Variants in SPATA13 observed in about 807,000 individuals in gnomAD.
SPATA13 encodes spermatogenesis-associated protein 13.
SPATA13 carries 50 observed loss-of-function variants against 104.0 expected under a neutral mutation model. The observed-to-expected ratio is 0.48, with a 90% CI of 0.38 to 0.61. The LOEUF (loss-of-function observed/expected upper bound fraction) is 0.61, where lower values mean the gene tolerates loss of function less well. SPATA13 is among the 20% of genes least tolerant of loss of function. The pLI, the probability that SPATA13 is intolerant of heterozygous loss-of-function variation, is 0.00. For missense variants in SPATA13, 1,524 were observed against 1,690.6 expected (o/e 0.90, Z 1.73); for synonymous variants, 606 against 667.5 (o/e 0.91, Z 1.42).
intron 4 of SPATA13, among the ~76,000 whole-genome samples, chr13:24,260,941 C>CT (rs962194253): frequency 6.6e-6 from 1 of 152,120 alleles, no homozygotes; most frequent in African/African-American, 2.4e-5. Flanking sequence ...GCATGGGGCA[C>CT]TTTTTTTTGG....
intron 3 of SPATA13, among the ~76,000 whole-genome samples, chr13:24,133,572 T>C (rs554820691): frequency 1.2e-4 from 18 of 152,030 alleles, no homozygotes; most frequent in African/African-American, 3.9e-4. Flanking sequence ...TAAAACACAA[T>C]AGCTAGAGAC....
At chr13:24,145,498 G>A (rs942346253) in intron 3 of SPATA13, among the ~76,000 whole-genome samples, 2 of 152,172 alleles carry the variant, frequency 1.3e-5, no homozygotes, top group Non-Finnish European at 2.9e-5. Flanking sequence ...GACATAAACC[G>A]AGTGAGCTGG....
In SPATA13 at chr13:24,072,064, A is replaced by T. The variant is rs78045275; in HGVS notation, c.-112+54363A>T. On this transcript the variant is annotated intron_variant, in intron 3 of 14. Transcript: ENST00000424834. ...AAGATAAAAGAAGTGCACATGTCCA[A>T]TCAAGAATATTAAGGAAGAGTGAAT... 2.8e-3 allele frequency among the ~76,000 whole-genome samples: 434 copies of T among 152,306 alleles called. 14 individuals are homozygous for T. In the East Asian group the frequency reaches 0.062, roughly 22 times the overall value.
At chr13:24,210,866 T>C (rs1043016220) in intron 1 of SPATA13, among the ~76,000 whole-genome samples, 1 of 151,944 alleles carries the variant, frequency 6.6e-6, no homozygotes, top group African/African-American at 2.4e-5. Context: ...ATTCTCCTAA[T>C]TCATGTTTAT....
chr13:24,028,834 C>T (rs887010650), intron 3 of SPATA13, among the ~76,000 whole-genome samples: 3 of 152,022 alleles, frequency 2.0e-5, no homozygotes, highest in Non-Finnish European at 2.9e-5. Context: ...TTATATTTCT[C>T]TATTTTAAAG....
chr13:24,174,467 A>C (rs1883135358), intron 1 of SPATA13, among the ~76,000 whole-genome samples: 1 of 151,926 alleles, frequency 6.6e-6, no homozygotes, highest in South Asian at 2.1e-4. Flanking sequence ...ATTTCGTGCT[A>C]TCAGTTTCCC....
chr13:24,151,716 G>T (rs1390929369), intron 3 of SPATA13, among the ~76,000 whole-genome samples: 8 of 152,098 alleles, frequency 5.3e-5, no homozygotes, highest in Admixed American at 5.2e-4. Flanking sequence ...TTCCTTATCT[G>T]TAAAATGGTA....
At chr13:24,065,699 G>A (rs904537704) in intron 3 of SPATA13, among the ~76,000 whole-genome samples, 2 of 152,138 alleles carry the variant, frequency 1.3e-5, no homozygotes, top group African/African-American at 4.8e-5. Context: ...GAATCACATG[G>A]TATTGTATTT....
intron 2 of SPATA13, among the ~76,000 whole-genome samples, chr13:23,995,717 G>T (rs956797938): frequency 1.3e-4 from 20 of 152,280 alleles, no homozygotes; most frequent in African/African-American, 4.6e-4. Context: ...AAATAGAGGG[G>T]GTTGTGTTAA....
intron 1 of SPATA13, among the ~76,000 whole-genome samples, chr13:24,181,842 T>C (rs1236195): frequency 0.91 from 137,820 of 151,208 alleles, 63,733 homozygotes; most frequent in Non-Finnish European, 0.99. Context: ...AGGCCGGGTG[T>C]GGTGGCTTAC....
intron 1 of SPATA13, among the ~76,000 whole-genome samples, chr13:24,184,014 C>T (rs1255980502): frequency 1.3e-5 from 2 of 152,084 alleles, no homozygotes; most frequent in African/African-American, 2.4e-5. Flanking sequence ...CAGGAAGTGG[C>T]GCGCTCAAGG....
At chr13:24,027,060 T>G (rs989659882) in intron 3 of SPATA13, among the ~76,000 whole-genome samples, 1 of 151,980 alleles carries the variant, frequency 6.6e-6, no homozygotes, top group Non-Finnish European at 1.5e-5. Flanking sequence ...AAGTTGATTA[T>G]AGTATAGTTC....
chr13:24,269,151 A>G (rs1270848630), intron 4 of SPATA13, among the ~76,000 whole-genome samples: 1 of 152,142 alleles, frequency 6.6e-6, no homozygotes, highest in East Asian at 1.9e-4. Flanking sequence ...AAACACTGCA[A>G]TATGTTCTCG....
chr13:24,190,001 AT>A (rs1869517666), intron 1 of SPATA13, among the ~76,000 whole-genome samples: 1 of 81,626 alleles, frequency 1.2e-5, no homozygotes, highest in African/African-American at 5.8e-5. Flanking sequence ...ATAACATATA[AT>A]AATATATTAT....
intron 1 of SPATA13, among the ~76,000 whole-genome samples, chr13:23,980,259 C>T (rs1874818896): frequency 6.6e-6 from 1 of 152,166 alleles, no homozygotes; most frequent in Non-Finnish European, 1.5e-5. Context: ...GGCGCCGGGG[C>T]AGTAGTTGCA....
intron 2 of SPATA13, among the ~76,000 whole-genome samples, chr13:23,997,714 T>C (rs1028130758): frequency 1.3e-5 from 2 of 151,942 alleles, no homozygotes; most frequent in Non-Finnish European, 2.9e-5. Flanking sequence ...AGCAGGCGTG[T>C]CACATGGCAA....
intron 4 of SPATA13, among the ~76,000 whole-genome samples, chr13:24,279,110 A>G (rs1875288585): frequency 1.3e-5 from 2 of 152,184 alleles, no homozygotes; most frequent in South Asian, 4.1e-4. Flanking sequence ...AACAGAATAC[A>G]TTATAGACGG....
chr13:24,006,634 G>A (rs1876245374), intron 2 of SPATA13, among the ~76,000 whole-genome samples: 1 of 152,192 alleles, frequency 6.6e-6, no homozygotes, highest in African/African-American at 2.4e-5. Flanking sequence ...GGTGCCGGCT[G>A]ATTTGGTCAC....
chr13:24,264,230 A>G lies in SPATA13; in HGVS notation c.2164+12368A>G, dbSNP rs74040453. Among the ~76,000 whole-genome samples the G allele has an allele frequency of 5.0e-3, 756 of 152,334 alleles. 13 individuals are homozygous for G. Among genetic ancestry groups the G allele is most frequent in the African/African-American group, 0.018 (731 of 41,572 alleles). On this transcript the variant is annotated intron_variant, in intron 4 of 12. Coordinates refer to ENST00000382108, the MANE Select transcript of SPATA13 (RefSeq NM_001166271.3). ...CAGCTAGAGTTAAAAAGTAAAAGTT[A>G]TTGAAAATATCGTCTGTCTTATTAC...
Sources: gnomAD v4.1 joint callset for allele counts (sites outside exome capture counted in the v4.1 genomes callset) on GRCh38, gnomAD v4.1.1 for gene constraint, MANE v1.5 for transcripts, NCBI Gene and HGNC (gene_info 2026-07-23, HGNC 2026-07-21) for gene names.